Variants in CNTN6 observed in about 807,000 individuals in gnomAD.
CNTN6 encodes the protein contactin 6, also known as contactin-6.
In CNTN6, 137 loss-of-function variants were observed where a neutral mutation model predicts 122.8. The observed-to-expected ratio is 1.12, with a 90% CI of 0.97 to 1.29. The LOEUF is 1.29. Among genes scored for constraint, CNTN6 ranks in the 50% most tolerant of loss-of-function variants. The probability of loss-of-function intolerance (pLI) is 0.00; values close to 1 mark genes in which losing one functional copy is unlikely to be tolerated. For missense variants in CNTN6, 1,634 were observed against 1,223.4 expected (o/e 1.34, Z -5.01); for synonymous variants, 570 against 426.0 (o/e 1.34, Z -4.16).
intron 2 of CNTN6, among the ~76,000 whole-genome samples, chr3:1,156,686 T>TCCCTTCCTTCCTTCCTTC (rs1169959791): frequency 3.4e-5 from 1 of 29,556 alleles, no homozygotes; most frequent in Non-Finnish European, 5.0e-5. Context: ...TTCCTTTCCC[T>TCCCTTCCTTCCTTCCTTC]CCCTCCCTTC....
chr3:1,276,812 G>A (rs6442314), intron 4 of CNTN6, among the ~76,000 whole-genome samples: 27,659 of 152,044 alleles, frequency 0.18, 2,960 homozygotes, highest in South Asian at 0.34. Context: ...TTACTTATAT[G>A]TAATATAATG....
intron 1 of CNTN6, among the ~76,000 whole-genome samples, chr3:1,109,338 G>C (rs2091370598): frequency 6.6e-6 from 1 of 152,002 alleles, no homozygotes; most frequent in Non-Finnish European, 1.5e-5. Context: ...CAAAATTGTA[G>C]AGGAAAAGAA....
At chr3:1,269,910 A>C (rs765681945) in intron 4 of CNTN6, among the ~76,000 whole-genome samples, 1 of 152,128 alleles carries the variant, frequency 6.6e-6, no homozygotes, top group Non-Finnish European at 1.5e-5. Context: ...ACACCCCCAA[A>C]AGTGAGGAAT....
chr3:1,398,114 G>A lies in CNTN6; in HGVS notation c.2705-3319G>A, dbSNP rs577545509. On this transcript the variant is annotated intron_variant, in intron 20 of 22. Transcript: ENST00000446702. ...TGCTGAGTTTACCATTGACAGACTT[G>A]GTACAAATATCATGACATGTGTTTT... 9.2e-5 allele frequency among the ~76,000 whole-genome samples: 14 copies of A among 151,738 alleles called. No individual in the cohort carries two copies. In the East Asian group the frequency reaches 2.7e-3, roughly 29 times the overall value.
At chr3:1,271,753 A>AAAAG (rs2095031428) in intron 4 of CNTN6, among the ~76,000 whole-genome samples, 1 of 152,192 alleles carries the variant, frequency 6.6e-6, no homozygotes, top group African/African-American at 2.4e-5. Context: ...AGCAATTTGT[A>AAAAG]CAACTTTTTG....
intron 11 of CNTN6, among the ~76,000 whole-genome samples, chr3:1,331,678 A>T (rs1335983054): frequency 6.6e-6 from 1 of 151,984 alleles, no homozygotes; most frequent in Non-Finnish European, 1.5e-5. Context: ...GGGTCTGGAC[A>T]AATTGATTAA....
chr3:1,177,122 G>T (rs2093465628), intron 2 of CNTN6, among the ~76,000 whole-genome samples: 1 of 152,222 alleles, frequency 6.6e-6, no homozygotes, highest in African/African-American at 2.4e-5. Flanking sequence ...CCATGGCCTG[G>T]GATCTTCAAG....
chr3:1,202,409 G>T (rs976190153), intron 2 of CNTN6, among the ~76,000 whole-genome samples: 1 of 119,392 alleles, frequency 8.4e-6, no homozygotes, highest in Admixed American at 7.7e-5. Context: ...GCGTGGTGGC[G>T]GGCGCCTGTA....
chr3:1,119,140 A>G, intron 1 of CNTN6, among the ~76,000 whole-genome samples: 1 of 151,874 alleles, frequency 6.6e-6, no homozygotes, highest in East Asian at 1.9e-4. Context: ...TCTTCGAGAC[A>G]ATTTGAGTCT....
At chr3:1,388,733 T>C (rs1287986065) in intron 20 of CNTN6, among the ~76,000 whole-genome samples, 1 of 148,390 alleles carries the variant, frequency 6.7e-6, no homozygotes, top group African/African-American at 2.5e-5. Flanking sequence ...CTGATGGAGC[T>C]GAAAACCAAG....
chr3:1,258,538 T>G (rs575191055), intron 4 of CNTN6, among the ~76,000 whole-genome samples: 4 of 152,212 alleles, frequency 2.6e-5, no homozygotes, highest in African/African-American at 9.6e-5. Flanking sequence ...TGGCATTGCA[T>G]GGTTTGTGTG....
chr3:1,250,500 A>G (rs1465722447), intron 4 of CNTN6, among the ~76,000 whole-genome samples: 2 of 152,156 alleles, frequency 1.3e-5, no homozygotes, highest in South Asian at 2.1e-4. Context: ...CACACACTCA[A>G]AACACACATC....
intron 7 of CNTN6, among the ~76,000 whole-genome samples, chr3:1,303,066 T>C (rs1697705348): frequency 6.6e-6 from 1 of 152,174 alleles, no homozygotes; most frequent in Non-Finnish European, 1.5e-5. Flanking sequence ...CCCTCATTTG[T>C]GTTATAACTT....
chr3:1,233,330 G>A (rs1309315425), intron 4 of CNTN6, among the ~76,000 whole-genome samples: 1 of 152,146 alleles, frequency 6.6e-6, no homozygotes, highest in Non-Finnish European at 1.5e-5. Context: ...GGTGAGCTAG[G>A]CAGGGGTCTG....
Position 1,126,105 on chromosome 3 carries a change from C to G in CNTN6, c.-82-21822C>G, listed in dbSNP as rs74636330. Among the ~76,000 whole-genome samples, 4 of 151,894 alleles carry G rather than the reference C, an allele frequency of 2.6e-5. No homozygotes were observed. The East Asian group carries it at 7.7e-4, about 29-fold the overall frequency. ...TTTACCCCAGAGTATTTTTGTCTTTCCCATATGATTGTCTAAATATTTAAA... is the reference window on the plus strand; with the variant it reads ...TTTACCCCAGAGTATTTTTGTCTTTGCCATATGATTGTCTAAATATTTAAA... On this transcript the variant is annotated intron_variant, in intron 1 of 22. Coordinates refer to ENST00000446702, the MANE Select transcript of CNTN6 (RefSeq NM_001289080.2).
chr3:1,248,799 G>T (rs536455783), intron 4 of CNTN6, among the ~76,000 whole-genome samples: 1 of 151,804 alleles, frequency 6.6e-6, no homozygotes, highest in Non-Finnish European at 1.5e-5. Context: ...CAGCCTGGGC[G>T]ACATGAGTGA....
intron 11 of CNTN6, among the ~76,000 whole-genome samples, chr3:1,348,824 C>A (rs547726360): frequency 6.6e-6 from 1 of 151,944 alleles, no homozygotes; most frequent in South Asian, 2.1e-4. Context: ...GGGGTGCAAA[C>A]AATACCTAGC....
chr3:1,101,281 G>T (rs373341733), intron 1 of CNTN6, among the ~76,000 whole-genome samples: 2 of 152,084 alleles, frequency 1.3e-5, no homozygotes, highest in South Asian at 4.1e-4. Context: ...TTTTTGGGAG[G>T]TTATTCCAAC....
chr3:1,129,292 T>A (rs2092270569), intron 1 of CNTN6, among the ~76,000 whole-genome samples: 1 of 152,066 alleles, frequency 6.6e-6, no homozygotes. Flanking sequence ...GGCTCCACCT[T>A]CCCTTTTTGC....
Sources: allele counts gnomAD v4.1 joint callset (sites outside exome capture counted in the v4.1 genomes callset), GRCh38; gene constraint gnomAD v4.1.1; transcripts MANE v1.5; gene names NCBI Gene and HGNC (gene_info 2026-07-23, HGNC 2026-07-21).